The following GABRG1 variants were observed in gnomAD, a reference collection of about 807,000 sequenced individuals.
GABRG1 encodes gamma-aminobutyric acid receptor subunit gamma-1.
Under a neutral mutation model 49.8 loss-of-function variants are expected in GABRG1, and 49 were observed. That is an observed-to-expected ratio of 0.98 (90% CI 0.78 to 1.25). GABRG1 has a LOEUF of 1.25. Ranked by LOEUF, GABRG1 falls within the 50% of genes most tolerant of loss-of-function variation. The probability of loss-of-function intolerance (pLI) is 0.00; values close to 1 mark genes in which losing one functional copy is unlikely to be tolerated. For synonymous variants in GABRG1, 232 were observed against 185.1 expected (o/e 1.25, Z -2.06); for missense variants, 552 against 552.3 (o/e 1.00, Z 0.01).
chr4:46,093,672 C>T (rs912202431), intron 2 of GABRG1, among the ~76,000 whole-genome samples: 1 of 151,908 alleles, frequency 6.6e-6, no homozygotes, highest in Non-Finnish European at 1.5e-5. Context: ...GATTATTACA[C>T]ATTCTATGTG....
At chr4:46,078,623 A>T (rs1308088973) in intron 3 of GABRG1, among the ~76,000 whole-genome samples, 1 of 151,960 alleles carries the variant, frequency 6.6e-6, no homozygotes, top group East Asian at 1.9e-4. Context: ...TATGAGCACC[A>T]GTTTTCTCCA....
At chr4:46,073,355 G>A (rs73144825) in intron 3 of GABRG1, among the ~76,000 whole-genome samples, 6,272 of 151,978 alleles carry the variant, frequency 0.041, 209 homozygotes, top group Admixed American at 0.077. Flanking sequence ...AAGAGATTCT[G>A]ATCATGTACT....
At chr4:46,113,425 C>T (rs1304254305) in intron 1 of GABRG1, among the ~76,000 whole-genome samples, 1 of 150,920 alleles carries the variant, frequency 6.6e-6, no homozygotes, top group Non-Finnish European at 1.5e-5. Context: ...GGGGTAACTG[C>T]CCCCATGATT....
intron 8 of GABRG1, among the ~76,000 whole-genome samples, chr4:46,049,056 G>A (rs996084859): frequency 1.3e-5 from 2 of 151,788 alleles, no homozygotes; most frequent in African/African-American, 2.4e-5. Context: ...TTTTTAAAGG[G>A]AAAATGCTGG....
intron 3 of GABRG1, among the ~76,000 whole-genome samples, chr4:46,077,525 T>C (rs1246742251): frequency 3.3e-5 from 5 of 151,994 alleles, no homozygotes; most frequent in South Asian, 2.1e-4. Context: ...GTATTTCTTT[T>C]ATAATAAAAA....
At chr4:46,079,118 T>C (rs1315284642) in intron 3 of GABRG1, among the ~76,000 whole-genome samples, 1 of 151,782 alleles carries the variant, frequency 6.6e-6, no homozygotes, top group Non-Finnish European at 1.5e-5. Context: ...TTTCGTTTTC[T>C]GTTAAAAAAG....
At chr4:46,122,866 G>A (rs768265060) in intron 1 of GABRG1, among the ~76,000 whole-genome samples, 13 of 151,944 alleles carry the variant, frequency 8.6e-5, no homozygotes, top group Non-Finnish European at 1.3e-4. Context: ...CATGGTATGA[G>A]TACCATGTCC....
At chr4:46,096,851 G>C (rs1175809459) in intron 2 of GABRG1, among the ~76,000 whole-genome samples, 1 of 151,636 alleles carries the variant, frequency 6.6e-6, no homozygotes, top group African/African-American at 2.4e-5. Flanking sequence ...TTTTGGAAAT[G>C]AGAATGTAAA....
intron 8 of GABRG1, among the ~76,000 whole-genome samples, chr4:46,043,311 G>A (rs1464432189): frequency 6.6e-6 from 1 of 151,908 alleles, no homozygotes; most frequent in Admixed American, 6.6e-5. Flanking sequence ...AGAGTATCAT[G>A]GAGAGTTCTA....
chr4:46,053,411 TA>T (rs2109399192), intron 7 of GABRG1, among the ~76,000 whole-genome samples: 1 of 149,050 alleles, frequency 6.7e-6, no homozygotes, highest in South Asian at 2.1e-4. Context: ...CTTGTAGTTC[TA>T]ACAATGAATG....
At position 46,051,601 on chromosome 4, in the gene GABRG1, T is replaced by G. The variant is rs775204110; in HGVS notation, c.954A>C (p.Thr318=). 1.2e-6 allele frequency: 2 copies of G among 1,610,916 alleles called. No homozygotes were observed. The highest frequency in any genetic ancestry group is 4.5e-5 in the East Asian group (2 of 44,764). ...CCTTAGGTAAAGACTTCCTGGCAAT[T>G]GTACTCAGGGTTGTCATAGTCAGAA... ...TTVLTMTTLS[T]IARKSLPKVS... Residue 318 remains threonine (T), a synonymous_variant, in exon 8 of 9, where the codon ACA becomes ACC. Transcript: ENST00000295452.
intron 3 of GABRG1, among the ~76,000 whole-genome samples, chr4:46,069,685 C>A (rs1719048812): frequency 6.6e-6 from 1 of 152,078 alleles, no homozygotes; most frequent in Admixed American, 6.6e-5. Flanking sequence ...AGGCACATAG[C>A]ATCGTGTGCA....
chr4:46,045,694 A>G (rs1413450665), intron 8 of GABRG1, among the ~76,000 whole-genome samples: 1 of 152,022 alleles, frequency 6.6e-6, no homozygotes, highest in African/African-American at 2.4e-5. Flanking sequence ...AGATTTAAAT[A>G]TATTATTTAA....
At chr4:46,105,757 G>T (rs1210955108) in intron 1 of GABRG1, among the ~76,000 whole-genome samples, 1 of 131,212 alleles carries the variant, frequency 7.6e-6, no homozygotes, top group Non-Finnish European at 1.5e-5. Context: ...TAGGTAAGCA[G>T]TTAGATAGAT....
At chr4:46,094,789 G>A (rs7680251) in intron 2 of GABRG1, among the ~76,000 whole-genome samples, 14,469 of 151,828 alleles carry the variant, frequency 0.095, 1,429 homozygotes, top group African/African-American at 0.25. Context: ...CTTTGCTATC[G>A]TGACATTAAA....
At chr4:46,061,132 T>C (rs954664743) in intron 5 of GABRG1, among the ~76,000 whole-genome samples, 3 of 152,178 alleles carry the variant, frequency 2.0e-5, no homozygotes, top group African/African-American at 7.2e-5. Flanking sequence ...GAATGGCTTC[T>C]AGAATGAAGA....
At chr4:46,121,647 T>C (rs1370689208) in intron 1 of GABRG1, among the ~76,000 whole-genome samples, 1 of 130,548 alleles carries the variant, frequency 7.7e-6, no homozygotes, top group Non-Finnish European at 1.5e-5. Flanking sequence ...AAAGAAAGCA[T>C]GCTTACATTT....
chr4:46,123,101 A>AACACACACACACACAC (rs34086673), intron 1 of GABRG1, among the ~76,000 whole-genome samples: 6 of 129,484 alleles, frequency 4.6e-5, no homozygotes, highest in Non-Finnish European at 8.4e-5. Context: ...CATACACACA[A>AACACACACACACACAC]ACACACACAC....
At chr4:46,071,522 T>G (rs1560358707) in intron 3 of GABRG1, among the ~76,000 whole-genome samples, 1 of 151,196 alleles carries the variant, frequency 6.6e-6, no homozygotes, top group Non-Finnish European at 1.5e-5. Flanking sequence ...ATATGTTAAC[T>G]GTAAAACATC....
Sources: allele counts gnomAD v4.1 joint callset (sites outside exome capture counted in the v4.1 genomes callset), GRCh38; gene constraint gnomAD v4.1.1; transcripts MANE v1.5; gene names NCBI Gene and HGNC (gene_info 2026-07-23, HGNC 2026-07-21).